The following PDGFC variants were observed in gnomAD, a reference collection of about 807,000 sequenced individuals.
The protein encoded by PDGFC is platelet-derived growth factor C.
A neutral mutation model predicts 35.5 loss-of-function variants in PDGFC; 12 were observed. That is an observed-to-expected ratio of 0.34 (90% CI 0.22 to 0.55). The LOEUF (loss-of-function observed/expected upper bound fraction) is 0.55, where lower values mean the gene tolerates loss of function less well. Ranked by LOEUF, PDGFC falls within the 20% of genes least tolerant of loss-of-function variation. The pLI is 0.91. For synonymous variants in PDGFC, 159 were observed against 148.8 expected, an observed-to-expected ratio of 1.07 and a Z score of -0.50; for missense variants, 322 against 412.4, an observed-to-expected ratio of 0.78 and a Z score of 1.90.
intron 1 of PDGFC, among the ~76,000 whole-genome samples, chr4:156,940,193 A>G (rs1378281598): frequency 2.6e-5 from 4 of 152,140 alleles, no homozygotes; most frequent in Non-Finnish European, 5.9e-5. Flanking sequence ...TTGTTTTCCA[A>G]TTTCAAGATC....
rs1347307528 is a variant in PDGFC, at chr4:156,920,649, AC to A, written c.118+50136del. 6.1e-3 allele frequency among the ~76,000 whole-genome samples: 608 copies of A among 98,876 alleles called. 8 individuals are homozygous for A. The East Asian group carries it at 0.076, about 12-fold the overall frequency. 64.9% of individuals were successfully genotyped at this position (98,876 alleles called of 152,430 possible). A position where few individuals can be genotyped will look rare whatever the true frequency, so the allele number is the denominator to read the frequency against. On this transcript the variant is annotated intron_variant, in intron 1 of 5. Transcript: ENST00000502773. ...AAAGCTTAACAGGAAAAGAAAACAC[AC>A]ACACACACACACACACACACACACA...
chr4:156,775,598 T>C (rs1379961671), intron 3 of PDGFC, among the ~76,000 whole-genome samples: 1 of 152,184 alleles, frequency 6.6e-6, no homozygotes, highest in Non-Finnish European at 1.5e-5. Context: ...TACAAAGTTC[T>C]AACTGAAATT....
intron 1 of PDGFC, among the ~76,000 whole-genome samples, chr4:156,873,443 A>G (rs188882229): frequency 1.3e-5 from 2 of 152,330 alleles, no homozygotes; most frequent in Admixed American, 6.5e-5. Flanking sequence ...TGTTCTTAAT[A>G]TGATTTCAAG....
chr4:156,762,907 G>C lies in PDGFC; in HGVS notation c.*183C>G. ...GTCCTTTAGGCCTCCTCTCAAAAGA[G>C]CTGTTGCACAACTCCTAATTCTGTT... On this transcript the variant is annotated 3_prime_UTR_variant, in exon 6 of 6. Transcript: ENST00000502773. 2.0e-6 allele frequency: 1 copy of C among 511,722 alleles called. No homozygotes were observed. Among genetic ancestry groups the C allele is most frequent in the African/African-American group, 1.9e-5 (1 of 52,904 alleles). 31.7% of individuals were successfully genotyped at this position (511,722 alleles called of 1,614,324 possible).
chr4:156,828,207 T>C (rs10019633), intron 2 of PDGFC, among the ~76,000 whole-genome samples: 9,037 of 152,240 alleles, frequency 0.059, 887 homozygotes, highest in African/African-American at 0.21. Flanking sequence ...CAAAATCCTT[T>C]TTCTTATACA....
At chr4:156,961,026 G>A (rs1165899380) in intron 1 of PDGFC, among the ~76,000 whole-genome samples, 2 of 152,054 alleles carry the variant, frequency 1.3e-5, no homozygotes, top group African/African-American at 4.8e-5. Flanking sequence ...TCCAGTAGGA[G>A]AAATGAATAC....
chr4:156,791,923 C>G (rs1481192684), intron 3 of PDGFC, among the ~76,000 whole-genome samples: 1 of 152,160 alleles, frequency 6.6e-6, no homozygotes, highest in Non-Finnish European at 1.5e-5. Flanking sequence ...AACCTAATCT[C>G]CATTTGGCCA....
rs573686043 is a variant in PDGFC at position 156,969,087 on chromosome 4, C to T, written c.118+1699G>A. Among the ~76,000 whole-genome samples, 25 of 152,170 alleles carry T rather than the reference C, an allele frequency of 1.6e-4. 2 individuals carry two copies. The South Asian group carries it at 2.5e-3, about 15-fold the overall frequency. ...AGATTCGGGCAGATGCCAAGAGAGG[C>T]TTGATAAGACAAGGCAATAGGAGAA... On this transcript the variant is annotated intron_variant, in intron 1 of 5. Transcript: ENST00000502773.
chr4:156,870,123 A>G (rs1299840844), intron 1 of PDGFC, among the ~76,000 whole-genome samples: 1 of 152,152 alleles, frequency 6.6e-6, no homozygotes, highest in Non-Finnish European at 1.5e-5. Flanking sequence ...AAGAAAACTA[A>G]GATCATGGTT....
intron 1 of PDGFC, among the ~76,000 whole-genome samples, chr4:156,932,289 G>GT (rs1731568731): frequency 6.6e-6 from 1 of 152,088 alleles, no homozygotes; most frequent in Admixed American, 6.6e-5. Flanking sequence ...AACACACTCT[G>GT]TTTGTGTTCA....
chr4:156,867,488 G>C (rs1729873102), intron 1 of PDGFC, among the ~76,000 whole-genome samples: 1 of 152,182 alleles, frequency 6.6e-6, no homozygotes, highest in Admixed American at 6.5e-5. Flanking sequence ...ATGGGTGATG[G>C]TCATGGTAGT....
At chr4:156,765,670 T>G (rs907563822) in intron 5 of PDGFC, among the ~76,000 whole-genome samples, 5 of 152,298 alleles carry the variant, frequency 3.3e-5, no homozygotes, top group Non-Finnish European at 5.9e-5. Flanking sequence ...AGATGAAAAT[T>G]ATTAAGCCAA....
intron 1 of PDGFC, among the ~76,000 whole-genome samples, chr4:156,956,655 G>A (rs773067033): frequency 2.6e-5 from 4 of 151,964 alleles, no homozygotes; most frequent in Non-Finnish European, 5.9e-5. Context: ...CAGTGAGAAT[G>A]AGGAAATTTA....
intron 1 of PDGFC, among the ~76,000 whole-genome samples, chr4:156,960,273 T>TAA (rs1732312666): frequency 6.8e-6 from 1 of 147,554 alleles, no homozygotes; most frequent in South Asian, 2.1e-4. Flanking sequence ...TATATATATA[T>TAA]AAAACTATAA....
At chr4:156,832,683 C>T (rs1291866972) in intron 2 of PDGFC, among the ~76,000 whole-genome samples, 5 of 152,174 alleles carry the variant, frequency 3.3e-5, no homozygotes, top group African/African-American at 7.2e-5. Context: ...GAACAACGGG[C>T]GTTTGAACTG....
intron 3 of PDGFC, among the ~76,000 whole-genome samples, chr4:156,781,609 T>C (rs1013561528): frequency 1.3e-5 from 2 of 152,108 alleles, no homozygotes; most frequent in African/African-American, 4.8e-5. Context: ...AGGTACATTT[T>C]ATCCTGTCAG....
intron 1 of PDGFC, among the ~76,000 whole-genome samples, chr4:156,929,772 G>A (rs1436279086): frequency 2.6e-5 from 4 of 152,126 alleles, no homozygotes; most frequent in Non-Finnish European, 5.9e-5. Flanking sequence ...GTGACTTATG[G>A]ATATTAGAAA....
Position 156,850,268 on chromosome 4 carries a change from C to A in PDGFC, c.267G>T (p.Thr89=), listed in dbSNP as rs778872984. Residue 89 remains threonine (T), a synonymous_variant, in exon 2 of 6, where the codon ACG becomes ACT. Coordinates refer to ENST00000502773, the MANE Select transcript of PDGFC (RefSeq NM_016205.3). The part of the protein sequence containing the change: ...AVEENVWIQL[T]FDERFGLEDP... ...CTTCAAGCCCAAATCTTTCATCAAA[C>A]GTAAGTTGTATCCATACATTTTCCT... The A allele has an allele frequency of 6.2e-7, 1 of 1,604,848 alleles. No homozygotes were observed. The highest frequency in any genetic ancestry group is 2.2e-5 in the East Asian group (1 of 44,638).
chr4:156,859,077 G>T (rs1729648836), intron 1 of PDGFC, among the ~76,000 whole-genome samples: 1 of 151,954 alleles, frequency 6.6e-6, no homozygotes, highest in South Asian at 2.1e-4. Context: ...TAGAAAAAAT[G>T]CAAATAAGCC....
Sources: allele counts gnomAD v4.1 joint callset (sites outside exome capture counted in the v4.1 genomes callset), GRCh38; gene constraint gnomAD v4.1.1; transcripts MANE v1.5; gene names NCBI Gene and HGNC (gene_info 2026-07-23, HGNC 2026-07-21).